The following PRAM1 variants were observed in gnomAD, a reference collection of about 807,000 sequenced individuals.
The protein encoded by PRAM1 is PML-RARA regulated adaptor molecule 1, also known as PML-RARA-regulated adapter molecule 1.
In PRAM1, 41 loss-of-function variants were observed where a neutral mutation model predicts 55.3. That is an observed-to-expected ratio of 0.74 (90% CI 0.58 to 0.96). The LOEUF is 0.96. PRAM1 is among the 40% of genes least tolerant of loss of function. The probability of loss-of-function intolerance (pLI) is 0.00; values close to 1 mark genes in which losing one functional copy is unlikely to be tolerated. For synonymous variants in PRAM1, 401 were observed against 387.1 expected (o/e 1.04, Z -0.42); for missense variants, 898 against 892.7 (o/e 1.01, Z -0.08).
At position 8,498,252 on chromosome 19, in the gene PRAM1, G is replaced by A; in HGVS notation, c.1470C>T (p.Phe490=). 1 of 1,612,930 alleles carries A rather than the reference G, an allele frequency of 6.2e-7. No individual in the cohort carries two copies. Among genetic ancestry groups the A allele is most frequent in the South Asian group, 1.1e-5 (1 of 90,894 alleles). ...RRTRSAAGLH[F]QDRQPEDIPQ... is the part of the protein sequence containing the mutation. ...GGATGTCTTCAGGCTGTCGGTCCTG[G>A]AAGTGGAGCCCAGCGGCCGAGCGGG... Residue 490 remains phenylalanine, a synonymous_variant, in exon 3 of 10, where the codon TTC becomes TTT. Transcript: ENST00000423345.
intron 1 of PRAM1, among the ~76,000 whole-genome samples, chr19:8,501,458 A>G (rs1460797733): frequency 7.3e-6 from 1 of 137,886 alleles, no homozygotes; most frequent in Non-Finnish European, 1.6e-5. Flanking sequence ...TCTCCATCGT[A>G]CCCACCCCTA....
At chr19:8,499,862 C>G in intron 1 of PRAM1, 82 bp from the exon 2 acceptor site, 1 of 1,219,958 alleles carries the variant, frequency 8.2e-7, no homozygotes, top group Non-Finnish European at 1.1e-6. Context: ...CCCTCAGGCA[C>G]AGCCCACAAC....
intron 1 of PRAM1, 101 bp downstream of exon 1, chr19:8,502,464 G>GGGGCCCCCCC: frequency 4.6e-6 from 1 of 216,460 alleles, no homozygotes; most frequent in Non-Finnish European, 8.4e-6. Flanking sequence ...GCCACCCCCC[G>GGGGCCCCCCC]CCCCCCCGCC....
chr19:8,497,637 C>A lies in PRAM1; in HGVS notation c.1576+127G>T, dbSNP rs1971716910. ...ACTGGTCCTTCGCCTCTGGGCTCCCCTTATGTAGTTCCACCCAGCAGGAGC... is the reference window on the plus strand; with the variant it reads ...ACTGGTCCTTCGCCTCTGGGCTCCCATTATGTAGTTCCACCCAGCAGGAGC... On this transcript the variant is annotated intron_variant, in intron 4 of 9. Transcript: ENST00000423345. 42 of 718,632 alleles carry A rather than the reference C, an allele frequency of 5.8e-5. 2 individuals carry two copies. In the South Asian group the frequency reaches 7.6e-4, roughly 13 times the overall value. 44.5% of individuals were successfully genotyped at this position (718,632 alleles called of 1,614,324 possible). A position where few individuals can be genotyped will look rare whatever the true frequency, so the allele number is the denominator to read the frequency against.
rs1971757005 is a variant in PRAM1, at chr19:8,499,110, A to G, written c.698T>C (p.Val233Ala). ...CACGGACTTCTTAGGGAGGCCACCG[A>G]CCTGAGGCTGCGGAGGCTTTTTGGG... ...VYPKKPPQPQ[V>A]GGLPKKSVPQ... Residue 233 changes from valine to alanine, a missense_variant, in exon 2 of 10, where the codon GTC becomes GCC. Around this residue, in one of 4 missense-constraint regions of PRAM1, gnomAD observed 787 missense variants for 735.4 expected, o/e 1.07. Transcript: ENST00000423345. 1.2e-6 allele frequency: 2 copies of G among 1,612,876 alleles called. No individual in the cohort carries two copies.
At position 8,490,147 on chromosome 19, in the gene PRAM1, G is replaced by T; in HGVS notation, c.*42C>A. On this transcript the variant is annotated 3_prime_UTR_variant, in exon 10 of 10. Coordinates refer to ENST00000423345, the MANE Select transcript of PRAM1 (RefSeq NM_032152.5). This position sits in a 1 kb window ranked among gnomAD's most constrained non-coding sequence, Gnocchi z 7.3. ...GGATCCAGGGCTCCTGGGTGAGCGG[G>T]CGCTGGGCTGGCTGGCTGTCCTGGC... 6.7e-7 allele frequency: 1 copy of T among 1,502,904 alleles called. No individual in the cohort carries two copies. Among genetic ancestry groups the T allele is most frequent in the South Asian group, 1.3e-5 (1 of 75,220 alleles). 93.1% of individuals were successfully genotyped at this position (1,502,904 alleles called of 1,614,324 possible). A position where few individuals can be genotyped will look rare whatever the true frequency, so the allele number is the denominator to read the frequency against.
chr19:8,492,400 G>T (rs111438314), intron 4 of PRAM1, among the ~76,000 whole-genome samples: 4,065 of 151,494 alleles, frequency 0.027, 212 homozygotes, highest in African/African-American at 0.093. Context: ...GGGATTATAA[G>T]CACCCACTGC....
chr19:8,499,540 C>T lies in PRAM1; in HGVS notation c.268G>A (p.Asp90Asn). 9.3e-7 allele frequency: 1 copy of T among 1,080,626 alleles called. No individual in the cohort carries two copies. The highest frequency in any genetic ancestry group is 2.3e-5 in the East Asian group (1 of 42,582). The allele number at this position is 1,080,626 out of a possible 1,614,324, so 66.9% of individuals were successfully genotyped here. ...GGCGGCGGGGGCTTCTTGGGGAGGT[C>T]AGTGACCTCAGGCGGCGGGGGCTTC... ...PKKPPPPEVT[D>N]LPKKPPPPEV... The change falls in exon 2 of 10, where the codon GAC becomes AAC. Residue 90 changes from aspartate to asparagine, a missense_variant. This residue lies in a region of PRAM1 where 30 missense variants were observed against 44.6 expected (regional missense o/e 0.67). Coordinates refer to ENST00000423345, the MANE Select transcript of PRAM1 (RefSeq NM_032152.5).
rs1213933713 is a variant in PRAM1, at chr19:8,502,610, G to T, written c.-19C>A. 1 of 1,549,500 alleles carries T rather than the reference G, an allele frequency of 6.5e-7. No homozygotes were observed. ...GGGCCATGGGATGAGTGGGACCCGA[G>T]CTGGGGCCGCTGCCTTCAGGAAGTG... On this transcript the variant is annotated 5_prime_UTR_variant, in exon 1 of 10. Transcript: ENST00000423345.
rs1302028250 is a variant in PRAM1 at position 8,499,760 on chromosome 19, C to A, written c.48G>T (p.Arg16=). ...AGGCCTGGAACTTTGCTTTGATGCT[C>A]CGGAAGTCCTGATGGCTCTCCTAGG... ...PAAMESHQDF[R]SIKAKFQASQ... The change falls in exon 2 of 10, where the codon CGG becomes CGT. Residue 16 remains arginine (R), a synonymous_variant. Transcript: ENST00000423345. 6.2e-7 allele frequency: 1 copy of A among 1,608,186 alleles called. No homozygotes were observed. The highest frequency in any genetic ancestry group is 1.3e-5 in the African/African-American group (1 of 74,782).
intron 1 of PRAM1, 81 bp downstream of exon 1, chr19:8,502,484 A>ACCC: frequency 1.7e-5 from 2 of 115,850 alleles, no homozygotes; most frequent in Non-Finnish European, 3.0e-5. Flanking sequence ...CCGCCCCTCC[A>ACCC]CAGGTGGATC....
At chr19:8,492,950 T>A (rs1283176564) in intron 4 of PRAM1, among the ~76,000 whole-genome samples, 1 of 152,128 alleles carries the variant, frequency 6.6e-6, no homozygotes, top group Non-Finnish European at 1.5e-5. Flanking sequence ...TGAGTCAAGA[T>A]GGCGCCGCTG....
Position 8,490,456 on chromosome 19 carries a change from C to T in PRAM1, c.1940+20G>A, listed in dbSNP as rs538207337. On this transcript the variant is annotated intron_variant, in intron 8 of 9. Coordinates refer to ENST00000423345, the MANE Select transcript of PRAM1 (RefSeq NM_032152.5). This position sits in a 1 kb window ranked among gnomAD's most constrained non-coding sequence, Gnocchi z 7.3. ...CCACACACCCCGCACTCCCCCACCACGGTCAGGGCTGGCACTCACAGGGGC... is the reference window on the plus strand; with the variant it reads ...CCACACACCCCGCACTCCCCCACCATGGTCAGGGCTGGCACTCACAGGGGC... 54 of 1,613,158 alleles carry T rather than the reference C, an allele frequency of 3.3e-5. 1 individual carries two copies. In the South Asian group the frequency reaches 3.7e-4, roughly 11 times the overall value.
At position 8,490,635 on chromosome 19, in the gene PRAM1, G is replaced by T. The variant is rs1441606497; in HGVS notation, c.1865C>A (p.Thr622Asn). 6.3e-7 allele frequency: 1 copy of T among 1,586,112 alleles called. No homozygotes were observed. Among genetic ancestry groups the T allele is most frequent in the Non-Finnish European group, 8.6e-7 (1 of 1,166,078 alleles). The change falls in exon 7 of 10, where the codon ACC becomes AAC. Residue 622 changes from threonine (T) to asparagine (N), a missense_variant. Physicochemically the swap from Thr to Asn is moderately conservative, Grantham distance 65. Transcript: ENST00000423345. This position sits in a 1 kb window ranked among gnomAD's most constrained non-coding sequence, Gnocchi z 7.3. ...RGEILEVIEF[T>N]SNEEMLCRDP... Reference sequence around the variant, plus strand: ...CCGGCACAGCATCTCCTCATTGCTGGTGAACTCGATCACCTCCAGGATCTC... The same window carrying T: ...CCGGCACAGCATCTCCTCATTGCTGTTGAACTCGATCACCTCCAGGATCTC...
At chr19:8,501,203 A>T (rs1417817516) in intron 1 of PRAM1, among the ~76,000 whole-genome samples, 1 of 147,998 alleles carries the variant, frequency 6.8e-6, no homozygotes, top group Non-Finnish European at 1.5e-5. Context: ...GGTTCAAGCG[A>T]TTCTCAGCCT....
intron 4 of PRAM1, among the ~76,000 whole-genome samples, chr19:8,492,244 T>TG (rs989706310): frequency 7.1e-6 from 1 of 141,214 alleles, no homozygotes; most frequent in Non-Finnish European, 1.5e-5. Flanking sequence ...CGTTTTTTTT[T>TG]TTGTTTCTTT....
Position 8,490,115 on chromosome 19 carries a change from C to T in PRAM1, c.*74G>A, listed in dbSNP as rs941289300. ...AGCCCAGGCAGCTCTGTGACTTTCC[C>T]GCGCCGGGATCCAGGGCTCCTGGGT... On this transcript the variant is annotated 3_prime_UTR_variant, in exon 10 of 10. Transcript: ENST00000423345. The surrounding 1 kb of genome is among the most constrained non-coding windows in gnomAD (Gnocchi z 7.3). 41 of 1,419,226 alleles carry T rather than the reference C, an allele frequency of 2.9e-5. No homozygotes were observed. Among genetic ancestry groups the T allele is most frequent in the Non-Finnish European group, 3.0e-5 (32 of 1,062,782 alleles). 87.9% of individuals were successfully genotyped at this position (1,419,226 alleles called of 1,614,324 possible). A position where few individuals can be genotyped will look rare whatever the true frequency, so the allele number is the denominator to read the frequency against.
rs1019236255 is a variant in PRAM1 at position 8,498,465 on chromosome 19, C to G, written c.1343G>C (p.Ser448Thr). 8.8e-6 allele frequency: 14 copies of G among 1,586,014 alleles called. No individual in the cohort carries two copies. Among genetic ancestry groups the G allele is most frequent in the Non-Finnish European group, 1.2e-5 (14 of 1,166,102 alleles). ...CTTGGCTGGAGGGTGTCCCAGGCTG[C>G]TGGCAGGGGGCAGAGGCCTCCGCCG... The part of the protein sequence containing the change: ...PPRRRPLPPA[S>T]SLGHPPAKPP... Residue 448 changes from serine (S) to threonine (T), a missense_variant, in exon 2 of 10, where the codon AGC becomes ACC. Ser to Thr is a moderately conservative substitution (Grantham distance 58). This residue lies in a region of PRAM1 where 787 missense variants were observed against 735.4 expected (regional missense o/e 1.07). Coordinates refer to ENST00000423345, the MANE Select transcript of PRAM1 (RefSeq NM_032152.5).
chr19:8,500,085 G>T (rs1212736557), intron 1 of PRAM1, among the ~76,000 whole-genome samples: 1 of 19,642 alleles, frequency 5.1e-5, no homozygotes, highest in Non-Finnish European at 9.8e-5. Flanking sequence ...CACCCCCCCA[G>T]CATCCTTGAC....
Sources: gnomAD v4.1 joint callset for allele counts (sites outside exome capture counted in the v4.1 genomes callset) on GRCh38, gnomAD v4.1.1 for gene constraint, gnomAD v4.1.1 regional missense constraint, Gnocchi (gnomAD v3.1) non-coding constraint, MANE v1.5 for transcripts, NCBI Gene and HGNC (gene_info 2026-07-23, HGNC 2026-07-21) for gene names.